The following WWC1 variants were observed in gnomAD, a reference collection of about 807,000 sequenced individuals.
WWC1 encodes WW and C2 domain containing 1, also known as protein KIBRA.
WWC1 carries 55 observed loss-of-function variants against 138.4 expected under a neutral mutation model. That is an observed-to-expected ratio of 0.40 (90% CI 0.32 to 0.50). The LOEUF is 0.50. Ranked by LOEUF, WWC1 falls within the 20% of genes least tolerant of loss-of-function variation. The probability of loss-of-function intolerance (pLI) is 0.72; values close to 1 mark genes in which losing one functional copy is unlikely to be tolerated. For missense variants in WWC1, 1,226 were observed against 1,420.4 expected (o/e 0.86, Z 2.20); for synonymous variants, 524 against 564.9 (o/e 0.93, Z 1.03).
intron 1 of WWC1, among the ~76,000 whole-genome samples, chr5:168,297,995 G>A (rs1172507270): frequency 1.3e-5 from 2 of 152,234 alleles, no homozygotes; most frequent in Non-Finnish European, 2.9e-5. Flanking sequence ...TGGATTTAGA[G>A]TTATTGTCAG....
chr5:168,336,848 A>G (rs1177898421), intron 1 of WWC1, among the ~76,000 whole-genome samples: 1 of 152,194 alleles, frequency 6.6e-6, no homozygotes, highest in Non-Finnish European at 1.5e-5. Context: ...GTGTGACTGT[A>G]GCAAGATGCC....
chr5:168,328,153 G>A (rs1442410628), intron 1 of WWC1, among the ~76,000 whole-genome samples: 1 of 152,166 alleles, frequency 6.6e-6, no homozygotes, highest in Non-Finnish European at 1.5e-5. Flanking sequence ...GATGGCTTTG[G>A]CATAAGTTGC....
At chr5:168,359,554 A>G (rs1775726155) in intron 1 of WWC1, among the ~76,000 whole-genome samples, 1 of 152,222 alleles carries the variant, frequency 6.6e-6, no homozygotes, top group Non-Finnish European at 1.5e-5. Flanking sequence ...TATTGATTTT[A>G]AGAAGCACCA....
At chr5:168,446,758 A>T (rs1203016350) in intron 17 of WWC1, among the ~76,000 whole-genome samples, 4 of 152,238 alleles carry the variant, frequency 2.6e-5, no homozygotes, top group Non-Finnish European at 5.9e-5. Context: ...AAAGGCACTA[A>T]TGAAGATCAG....
chr5:168,442,838 G>GA (rs201792324), intron 16 of WWC1, among the ~76,000 whole-genome samples: 3,741 of 81,840 alleles, frequency 0.046, 63 homozygotes, highest in Middle Eastern at 0.12. Context: ...CTCCATCTCA[G>GA]AAAAAAAAAA....
chr5:168,409,957 G>A lies in WWC1; in HGVS notation c.903G>A (p.Lys301=). ...GINSNNQLAE[K]VRLRLRYEEA... is the part of the protein sequence containing the mutation. Reference sequence around the variant, plus strand: ...ACAGCAACAATCAGTTGGCAGAGAAGGTCAGATTGCGCCTTCGATATGAAG... The same window carrying A: ...ACAGCAACAATCAGTTGGCAGAGAAAGTCAGATTGCGCCTTCGATATGAAG... Residue 301 remains lysine (K), a synonymous_variant, in exon 8 of 23, where the codon AAG becomes AAA. Transcript: ENST00000265293. 6.2e-7 allele frequency: 1 copy of A among 1,614,058 alleles called. No homozygotes were observed. Among genetic ancestry groups the A allele is most frequent in the Non-Finnish European group, 8.5e-7 (1 of 1,179,956 alleles).
intron 15 of WWC1, among the ~76,000 whole-genome samples, chr5:168,435,768 C>T (rs1782300111): frequency 6.6e-6 from 1 of 152,102 alleles, no homozygotes; most frequent in Non-Finnish European, 1.5e-5. Context: ...CTTTCCCTTT[C>T]TTTATAGAAA....
intron 15 of WWC1, among the ~76,000 whole-genome samples, chr5:168,436,631 T>A (rs1057268555): frequency 1.3e-5 from 2 of 152,178 alleles, no homozygotes; most frequent in African/African-American, 2.4e-5. Context: ...ATCCTGTGTC[T>A]CCGCTGTCTC....
chr5:168,427,548 ATTTTT>A (rs34177139), intron 11 of WWC1, among the ~76,000 whole-genome samples: 44 of 101,146 alleles, frequency 4.4e-4, no homozygotes, highest in Admixed American at 5.7e-4. Flanking sequence ...CTTTTTTTTA[ATTTTT>A]TTTTTTTTTT....
Position 168,379,971 on chromosome 5 carries a change from A to G in WWC1, c.230-5240A>G, listed in dbSNP as rs118117311. Reference sequence around the variant, plus strand: ...GCAAAGATTTTTTTGGACAAGTCATAAAAAGCACTAACCAGAAAAGAAAAA... The same window carrying G: ...GCAAAGATTTTTTTGGACAAGTCATGAAAAGCACTAACCAGAAAAGAAAAA... On this transcript the variant is annotated intron_variant, in intron 2 of 22. Transcript: ENST00000265293. 4.3e-4 allele frequency among the ~76,000 whole-genome samples: 65 copies of G among 152,372 alleles called. 1 individual carries two copies. In the East Asian group the frequency reaches 0.012, roughly 28 times the overall value.
chr5:168,457,702 C>T (rs1756460887), intron 19 of WWC1, among the ~76,000 whole-genome samples: 1 of 152,210 alleles, frequency 6.6e-6, no homozygotes. Context: ...GACACCTTCA[C>T]CGATGCTGCC....
Position 168,423,545 on chromosome 5 carries a change from C to T in WWC1, c.1287C>T (p.Ser429=), listed in dbSNP as rs1781284077. The change falls in exon 11 of 23, where the codon AGC becomes AGT. Residue 429 remains serine, a synonymous_variant. Coordinates refer to ENST00000265293, the MANE Select transcript of WWC1 (RefSeq NM_015238.3). The part of the protein sequence containing the change: ...LHSQLKSLSS[S]MQSLSSGSSP... ...CCCTGTGTCCCAGTCTCTCAAGCAG[C>T]ATGCAGTCCCTGTCCTCAGGCAGCA... The T allele has an allele frequency of 1.2e-6, 2 of 1,611,416 alleles. No individual in the cohort carries two copies. The highest frequency in any genetic ancestry group is 1.7e-6 in the Non-Finnish European group (2 of 1,178,760).
chr5:168,419,195 G>T (rs1780889750), intron 9 of WWC1, among the ~76,000 whole-genome samples: 1 of 152,206 alleles, frequency 6.6e-6, no homozygotes, highest in South Asian at 2.1e-4. Context: ...CCCAGGCTGG[G>T]TTAGCTGTAT....
chr5:168,408,261 T>C (rs1779954922), intron 6 of WWC1, among the ~76,000 whole-genome samples: 1 of 152,092 alleles, frequency 6.6e-6, no homozygotes, highest in Admixed American at 6.5e-5. Context: ...GGATTCCAAC[T>C]AGGGCATGTG....
At chr5:168,455,033 C>T (rs563961443) in intron 18 of WWC1, among the ~76,000 whole-genome samples, 1 of 152,304 alleles carries the variant, frequency 6.6e-6, no homozygotes, top group Non-Finnish European at 1.5e-5. Flanking sequence ...GGGAGTGTGA[C>T]ATCCAGGTTG....
intron 8 of WWC1, 41 bp downstream of exon 8, chr5:168,410,036 A>T: frequency 6.3e-7 from 1 of 1,586,534 alleles, no homozygotes; most frequent in South Asian, 1.1e-5. Flanking sequence ...TTCCAAAAAT[A>T]ATAACTACTA....
In WWC1 at chr5:168,352,093, A is replaced by G. The variant is rs1028573561; in HGVS notation, c.120-19331A>G. 4.6e-5 allele frequency among the ~76,000 whole-genome samples: 7 copies of G among 152,306 alleles called. No homozygotes were observed. In the South Asian group the frequency reaches 8.3e-4, roughly 18 times the overall value. ...CTCAAAGGGCGGTCAGGAGCATCCA[A>G]TGAGACAAGGCCTGGCCCATGGCAA... On this transcript the variant is annotated intron_variant, in intron 1 of 22. Coordinates refer to ENST00000265293, the MANE Select transcript of WWC1 (RefSeq NM_015238.3).
intron 15 of WWC1, among the ~76,000 whole-genome samples, chr5:168,437,207 T>C (rs1168306827): frequency 6.6e-6 from 1 of 152,172 alleles, no homozygotes; most frequent in African/African-American, 2.4e-5. Context: ...TGTGAGGTCT[T>C]CCACCCTATA....
chr5:168,333,941 A>AT (rs1773239143), intron 1 of WWC1, among the ~76,000 whole-genome samples: 1 of 147,048 alleles, frequency 6.8e-6, no homozygotes, highest in South Asian at 2.3e-4. Context: ...TGGCCTGGCA[A>AT]GGGGGCTCAT....
Sources: gnomAD v4.1 joint callset for allele counts (sites outside exome capture counted in the v4.1 genomes callset) on GRCh38, gnomAD v4.1.1 for gene constraint, MANE v1.5 for transcripts, NCBI Gene and HGNC (gene_info 2026-07-23, HGNC 2026-07-21) for gene names.